The following SRRM4 variants were observed in gnomAD, a reference collection of about 807,000 sequenced individuals.
SRRM4 encodes the protein serine/arginine repetitive matrix 4, also known as serine/arginine repetitive matrix protein 4.
A neutral mutation model predicts 68.9 loss-of-function variants in SRRM4; 33 were observed. The observed-to-expected ratio is 0.48, with a 90% confidence interval of 0.36 to 0.64. The LOEUF (loss-of-function observed/expected upper bound fraction) is 0.64, where lower values mean the gene tolerates loss of function less well. Among genes scored for constraint, SRRM4 ranks in the 30% least tolerant of loss-of-function variants. The probability of loss-of-function intolerance (pLI) is 0.00; values close to 1 mark genes in which losing one functional copy is unlikely to be tolerated. For synonymous variants in SRRM4, 318 were observed against 318.8 expected (o/e 1.00, Z 0.03); for missense variants, 817 against 827.1 (o/e 0.99, Z 0.15).
intron 1 of SRRM4, among the ~76,000 whole-genome samples, chr12:119,011,298 T>G (rs1284729773): frequency 6.6e-6 from 1 of 152,192 alleles, no homozygotes; most frequent in East Asian, 1.9e-4. Flanking sequence ...TTTTCAACCT[T>G]GGCACTACTG....
At chr12:118,990,264 A>C (rs1382941907) in intron 1 of SRRM4, among the ~76,000 whole-genome samples, 1 of 152,186 alleles carries the variant, frequency 6.6e-6, no homozygotes, top group South Asian at 2.1e-4. Flanking sequence ...GGAGGAAAAA[A>C]TGGTATCACA....
chr12:119,098,521 T>C (rs1362290657), intron 1 of SRRM4, among the ~76,000 whole-genome samples: 1 of 152,252 alleles, frequency 6.6e-6, no homozygotes, highest in East Asian at 1.9e-4. Flanking sequence ...TGCCTGATGT[T>C]CACTAAGCAG....
chr12:119,090,778 C>A (rs1359474156), intron 1 of SRRM4, among the ~76,000 whole-genome samples: 1 of 152,128 alleles, frequency 6.6e-6, no homozygotes, highest in African/African-American at 2.4e-5. Context: ...CTCAATGCTC[C>A]CCAAAGGCTG....
chr12:119,032,019 T>A (rs1380928264), intron 1 of SRRM4, among the ~76,000 whole-genome samples: 1 of 152,206 alleles, frequency 6.6e-6, no homozygotes, highest in African/African-American at 2.4e-5. Context: ...ATTAGATAGA[T>A]TACTATCTAA....
chr12:119,088,150 T>C (rs975411013), intron 1 of SRRM4, among the ~76,000 whole-genome samples: 1 of 152,154 alleles, frequency 6.6e-6, no homozygotes, highest in African/African-American at 2.4e-5. Flanking sequence ...TGGGGGATTA[T>C]GGGCCACATT....
In SRRM4 at chr12:119,014,751, G is replaced by T. The variant is rs548133658; in HGVS notation, c.131+32738G>T. ...TGTTTAGCTTCAGAGGGTTGGGAGG[G>T]GATGGCTTTTTCTGCTTCATAAGAG... is the stretch of plus-strand genomic sequence containing the variant. On this transcript the variant is annotated intron_variant, in intron 1 of 12. Coordinates refer to ENST00000267260, the MANE Select transcript of SRRM4 (RefSeq NM_194286.4). Among the ~76,000 whole-genome samples the T allele has an allele frequency of 1.2e-4, 19 of 152,236 alleles. No homozygotes were observed. In the East Asian group the frequency reaches 3.7e-3, roughly 29 times the overall value.
chr12:119,161,383 C>T lies in SRRM4; in HGVS notation c.*4585C>T, dbSNP rs1033282538. On this transcript the variant is annotated 3_prime_UTR_variant, in exon 13 of 13. Coordinates refer to ENST00000267260, the MANE Select transcript of SRRM4 (RefSeq NM_194286.4). The stretch of plus-strand genomic sequence containing the variant: ...ATTGAGCAATGCTTTATTGAAGTCT[C>T]GTTCTTCTCACTTCTGCACCAGTGA... 2.0e-5 allele frequency: 3 copies of T among 152,192 alleles called. No homozygotes were observed. The highest frequency in any genetic ancestry group is 7.2e-5 in the African/African-American group (3 of 41,440). 9.4% of individuals were successfully genotyped at this position (152,192 alleles called of 1,614,324 possible).
chr12:119,064,283 C>G (rs1188916584), intron 1 of SRRM4, among the ~76,000 whole-genome samples: 1 of 152,170 alleles, frequency 6.6e-6, no homozygotes, highest in Non-Finnish European at 1.5e-5. Flanking sequence ...ATTTAACAAG[C>G]TATGTTATTG....
intron 1 of SRRM4, among the ~76,000 whole-genome samples, chr12:119,102,031 G>C (rs1483105109): frequency 1.3e-5 from 2 of 152,192 alleles, no homozygotes; most frequent in Non-Finnish European, 2.9e-5. Flanking sequence ...GGGGGAGCTG[G>C]AAAGGTACAC....
chr12:118,999,204 C>A (rs183913330), intron 1 of SRRM4, among the ~76,000 whole-genome samples: 5 of 152,288 alleles, frequency 3.3e-5, no homozygotes, highest in East Asian at 1.9e-4. Flanking sequence ...TTCATGGTAC[C>A]ATCAGGCAAG....
chr12:119,122,304 A>C (rs866722021), intron 6 of SRRM4, among the ~76,000 whole-genome samples, 184 bp downstream of exon 6: 1,225 of 109,130 alleles, frequency 0.011, 6 homozygotes, highest in Middle Eastern at 0.04. Flanking sequence ...GGAAGGAAGG[A>C]AGGAAGGAAG....
chr12:119,147,450 A>G (rs554027950), intron 9 of SRRM4, among the ~76,000 whole-genome samples: 15 of 152,320 alleles, frequency 9.8e-5, no homozygotes, highest in South Asian at 2.1e-4. Context: ...ACTCTGATGT[A>G]AACTATAGAC....
In SRRM4 at chr12:119,155,692, G is replaced by A. The variant is rs763064516; in HGVS notation, c.1533-803G>A. ...GTGGAGGTTGCAGTGAGCCGAGATCGCACCACTGCATTCCAACCTGGGTGA... is the reference window on the plus strand; with the variant it reads ...GTGGAGGTTGCAGTGAGCCGAGATCACACCACTGCATTCCAACCTGGGTGA... On this transcript the variant is annotated intron_variant, in intron 12 of 12. Coordinates refer to ENST00000267260, the MANE Select transcript of SRRM4 (RefSeq NM_194286.4). Among the ~76,000 whole-genome samples the A allele has an allele frequency of 4.7e-4, 72 of 152,232 alleles. 1 individual carries two copies. The highest frequency in any genetic ancestry group is 1.5e-3 in the African/African-American group (61 of 41,550).
chr12:119,029,196 C>G (rs983076778), intron 1 of SRRM4, among the ~76,000 whole-genome samples: 9 of 152,174 alleles, frequency 5.9e-5, no homozygotes, highest in African/African-American at 2.2e-4. Flanking sequence ...CCCACCAGAA[C>G]CTGCTCCCTT....
intron 1 of SRRM4, among the ~76,000 whole-genome samples, chr12:119,066,303 T>G (rs979057947): frequency 3.9e-5 from 6 of 152,188 alleles, no homozygotes; most frequent in African/African-American, 1.4e-4. Context: ...GTGTTGACAT[T>G]ACCAATCCCA....
At chr12:119,072,262 A>C (rs895831205) in intron 1 of SRRM4, among the ~76,000 whole-genome samples, 2 of 152,038 alleles carry the variant, frequency 1.3e-5, no homozygotes, top group Non-Finnish European at 2.9e-5. Flanking sequence ...TTCACTCCAA[A>C]CTCAAGTAGA....
Position 119,125,427 on chromosome 12 carries a change from T to C in SRRM4, c.562T>C (p.Cys188Arg), listed in dbSNP as rs779001471. The C allele has an allele frequency of 1.1e-4, 185 of 1,613,522 alleles. No homozygotes were observed. The highest frequency in any genetic ancestry group is 1.5e-4 in the Non-Finnish European group (180 of 1,179,782). The change falls in exon 7 of 13, where the codon TGC (cysteine) becomes CGC (arginine). Residue 188 changes from cysteine to arginine, a missense_variant. Coordinates refer to ENST00000267260, the MANE Select transcript of SRRM4 (RefSeq NM_194286.4). ...GTCTCACCGCCACCGCCATCACCGC[T>C]GCCCCTCGCGGTCCCAGAGCTCGGA... ...RKSHRHRHHRCPSRSQSSESR... is the reference protein window; with the variant it reads ...RKSHRHRHHRRPSRSQSSESR...
At chr12:119,017,400 G>C (rs2136000035) in intron 1 of SRRM4, among the ~76,000 whole-genome samples, 1 of 152,306 alleles carries the variant, frequency 6.6e-6, no homozygotes, top group East Asian at 1.9e-4. Context: ...CTTCTTTCTG[G>C]ATATTTACCT....
At chr12:119,049,617 G>T (rs896216557) in intron 1 of SRRM4, among the ~76,000 whole-genome samples, 3 of 152,152 alleles carry the variant, frequency 2.0e-5, no homozygotes, top group Non-Finnish European at 4.4e-5. Context: ...TCTTAATACG[G>T]AGTCTGATCA....
Sources: gnomAD v4.1 joint callset for allele counts (sites outside exome capture counted in the v4.1 genomes callset) on GRCh38, gnomAD v4.1.1 for gene constraint, MANE v1.5 for transcripts, NCBI Gene and HGNC (gene_info 2026-07-23, HGNC 2026-07-21) for gene names.